FCRL4: variants seen among roughly 807,000 people sequenced by gnomAD.
The protein encoded by FCRL4 is Fc receptor like 4, also known as Fc receptor-like protein 4.
In FCRL4, 43 loss-of-function variants were observed where a neutral mutation model predicts 64.1. The ratio of observed to expected loss-of-function variants is 0.67; its 90% CI spans 0.53 to 0.87. The LOEUF is 0.87. Among genes scored for constraint, FCRL4 ranks in the 40% least tolerant of loss-of-function variants. FCRL4 has a pLI of 0.00. For synonymous variants in FCRL4, 253 were observed against 239.8 expected, an observed-to-expected ratio of 1.05 and a Z score of -0.51; for missense variants, 656 against 613.5, an observed-to-expected ratio of 1.07 and a Z score of -0.73.
At chr1:157,584,016 G>T (rs949517493) in intron 6 of FCRL4, among the ~76,000 whole-genome samples, 10 of 152,164 alleles carry the variant, frequency 6.6e-5, no homozygotes, top group African/African-American at 2.4e-4. Context: ...GAAGTGGCCA[G>T]TTCACTGCCT....
At chr1:157,585,831 G>A (rs1652678008) in intron 6 of FCRL4, among the ~76,000 whole-genome samples, 1 of 152,124 alleles carries the variant, frequency 6.6e-6, no homozygotes, top group Non-Finnish European at 1.5e-5. Flanking sequence ...GATACTGTAG[G>A]ATGACACGGT....
rs189246124 is a variant in FCRL4, at chr1:157,576,520, T to A, written c.1430-790A>T. ...CTTCATGTAAACCTTAAGGAACAGG[T>A]GAAGAAACCATTCTACAAATCATTA... On this transcript the variant is annotated intron_variant, in intron 10 of 11. Coordinates refer to ENST00000271532, the MANE Select transcript of FCRL4 (RefSeq NM_031282.3). 3.1e-4 allele frequency among the ~76,000 whole-genome samples: 47 copies of A among 152,292 alleles called. No homozygotes were observed. The East Asian group carries it at 8.3e-3, about 27-fold the overall frequency.
chr1:157,579,654 T>C (rs545891546), intron 8 of FCRL4, among the ~76,000 whole-genome samples: 2 of 148,192 alleles, frequency 1.3e-5, no homozygotes, highest in East Asian at 4.1e-4. Context: ...GAGGCGGAGG[T>C]TGCCATGAGC....
chr1:157,589,698 C>T (rs905095749), intron 2 of FCRL4, among the ~76,000 whole-genome samples: 34 of 152,334 alleles, frequency 2.2e-4, no homozygotes, highest in Middle Eastern at 6.8e-3. Context: ...AGGATCCACT[C>T]AGCAGTGATA....
chr1:157,582,703 C>T (rs1281990360), intron 6 of FCRL4, among the ~76,000 whole-genome samples: 1 of 152,144 alleles, frequency 6.6e-6, no homozygotes, highest in Admixed American at 6.5e-5. Context: ...ATTATCCTTC[C>T]CTCCTCAACA....
chr1:157,597,775 A>G (rs1007909014), intron 1 of FCRL4, 139 bp downstream of exon 1: 9 of 608,162 alleles, frequency 1.5e-5, no homozygotes, highest in Middle Eastern at 3.0e-4. Flanking sequence ...CCAGTAAATC[A>G]TTATCTTTCC....
rs1210233808 is a variant in FCRL4, at chr1:157,575,400, T to A, written c.*124A>T. On this transcript the variant is annotated 3_prime_UTR_variant, in exon 12 of 12. Transcript: ENST00000271532. Reference sequence around the variant, plus strand: ...ATTCCTGGGAGTGAATGCATATGCATGAGAAGAATTAGAAAGCTGGAATGA... The same window carrying A: ...ATTCCTGGGAGTGAATGCATATGCAAGAGAAGAATTAGAAAGCTGGAATGA... The A allele has an allele frequency of 5.6e-6, 4 of 709,488 alleles. No homozygotes were observed. Among genetic ancestry groups the A allele is most frequent in the Non-Finnish European group, 1.0e-5 (4 of 399,786 alleles). 43.9% of individuals were successfully genotyped at this position (709,488 alleles called of 1,614,324 possible).
intron 7 of FCRL4, among the ~76,000 whole-genome samples, chr1:157,581,088 C>T (rs771368588): frequency 7.0e-6 from 1 of 142,758 alleles, no homozygotes; most frequent in Non-Finnish European, 1.6e-5. Flanking sequence ...CCAGAAAAGC[C>T]CCTGAGGGGA....
intron 7 of FCRL4, 122 bp from the exon 8 acceptor site, chr1:157,580,470 C>CT: frequency 9.7e-7 from 1 of 1,030,156 alleles, no homozygotes; most frequent in Non-Finnish European, 1.5e-6. Flanking sequence ...CTGCCCAGTC[C>CT]TGGGTTTTCA....
chr1:157,593,757 A>C (rs1652892295), intron 2 of FCRL4, among the ~76,000 whole-genome samples: 1 of 152,208 alleles, frequency 6.6e-6, no homozygotes, highest in Non-Finnish European at 1.5e-5. Context: ...ATATCTTCTA[A>C]GAAGAAACTG....
chr1:157,592,809 C>T (rs1161545015), intron 2 of FCRL4, among the ~76,000 whole-genome samples: 1 of 152,150 alleles, frequency 6.6e-6, no homozygotes, highest in Non-Finnish European at 1.5e-5. Flanking sequence ...TGGCACTGTT[C>T]ACGATAGCAA....
chr1:157,582,358 GT>G (rs1256964521), intron 6 of FCRL4, among the ~76,000 whole-genome samples: 2 of 152,302 alleles, frequency 1.3e-5, no homozygotes, highest in East Asian at 3.9e-4. Flanking sequence ...TGAACAAGAC[GT>G]TAAAGTCCCG....
intron 10 of FCRL4, among the ~76,000 whole-genome samples, chr1:157,577,741 G>A (rs1652446287): frequency 6.6e-6 from 1 of 152,204 alleles, no homozygotes; most frequent in African/African-American, 2.4e-5. Flanking sequence ...GTCTTAGGCT[G>A]AATACTGATA....
At chr1:157,575,801 G>T in intron 10 of FCRL4, 71 bp from the exon 11 acceptor site, 3 of 1,493,252 alleles carry the variant, frequency 2.0e-6, no homozygotes, top group Non-Finnish European at 2.8e-6. Context: ...GTTAGCTGAT[G>T]CCCTAGAGTC....
chr1:157,586,049 T>A, intron 6 of FCRL4, 119 bp downstream of exon 6: 1 of 1,017,018 alleles, frequency 9.8e-7, no homozygotes, highest in Non-Finnish European at 1.4e-6. Flanking sequence ...TTTATCACAG[T>A]GGAGCATGGC....
In FCRL4 at chr1:157,587,398, G is replaced by T; in HGVS notation, c.725C>A (p.Thr242Lys). Residue 242 changes from threonine to lysine, a missense_variant, in exon 5 of 12, where the codon ACG (threonine) becomes AAG (lysine). Transcript: ENST00000271532. ...DGEVILSDWS[T>K]YPELQLPTVW... Reference sequence around the variant, plus strand: ...GGTTGGGAGCTGGAGTTCCGGGTACGTGCTCCAGTCTGACAGGATGACCTC... The same window carrying T: ...GGTTGGGAGCTGGAGTTCCGGGTACTTGCTCCAGTCTGACAGGATGACCTC... The T allele has an allele frequency of 6.2e-7, 1 of 1,614,222 alleles. No homozygotes were observed. Among genetic ancestry groups the T allele is most frequent in the Non-Finnish European group, 8.5e-7 (1 of 1,180,042 alleles).
At chr1:157,579,330 A>G (rs990057720) in intron 8 of FCRL4, among the ~76,000 whole-genome samples, 2 of 152,180 alleles carry the variant, frequency 1.3e-5, no homozygotes, top group African/African-American at 4.8e-5. Context: ...AGATGATGCC[A>G]TTGCACTCCA....
At chr1:157,585,339 T>TCTCC (rs1652652153) in intron 6 of FCRL4, among the ~76,000 whole-genome samples, 1 of 48,962 alleles carries the variant, frequency 2.0e-5, no homozygotes, top group Non-Finnish European at 4.8e-5. Flanking sequence ...TCTTTCTTTC[T>TCTCC]CTCTCTCTTT....
rs144040210 is a variant in FCRL4, at chr1:157,597,930, C to T, written c.15G>A (p.Ala5=). 1.1e-4 allele frequency: 175 copies of T among 1,613,320 alleles called. 1 individual carries two copies. The highest frequency in any genetic ancestry group is 1.0e-3 in the African/African-American group (75 of 75,018). ...ATCACTTACCAAAGGCCAGCAAGGA[C>T]GCCCACAGCAGCATGGAAGCCTGCT... MLLW[A]SLLAFAPVCG... The change falls in exon 1 of 12, where the codon GCG becomes GCA. Residue 5 remains alanine, a synonymous_variant. Transcript: ENST00000271532.
Sources: allele counts gnomAD v4.1 joint callset (sites outside exome capture counted in the v4.1 genomes callset), GRCh38; gene constraint gnomAD v4.1.1; transcripts MANE v1.5; gene names NCBI Gene and HGNC (gene_info 2026-07-23, HGNC 2026-07-21).